Variants in PSMG1 observed in about 807,000 individuals in gnomAD.
PSMG1 encodes the protein Down syndrome critical region gene 2.
In PSMG1, 23 loss-of-function variants were observed where a neutral mutation model predicts 37.2. The observed-to-expected ratio is 0.62, with a 90% CI of 0.44 to 0.88. The LOEUF is 0.88. Ranked by LOEUF, PSMG1 falls within the 40% of genes least tolerant of loss-of-function variation. The pLI is 0.00. For synonymous variants in PSMG1, 127 were observed against 128.0 expected, an observed-to-expected ratio of 0.99 and a Z score of 0.05; for missense variants, 340 against 344.2, an observed-to-expected ratio of 0.99 and a Z score of 0.10.
Position 39,183,340 on chromosome 21 carries a change from C to G in PSMG1, c.46G>C (p.Ala16Pro). 2 of 1,574,166 alleles carry G rather than the reference C, an allele frequency of 1.3e-6. No homozygotes were observed. Among genetic ancestry groups the G allele is most frequent in the East Asian group, 4.7e-5 (2 of 42,322 alleles). The stretch of plus-strand genomic sequence containing the variant: ...TCCTCCTCTTCGTCCTCAGTCCCAG[C>G]TCGGCACGGCGCCTTCACCACCTCT... ...FGEVVKAPCR[A>P]GTEDEEEEEE... The change falls in exon 1 of 7, where the codon GCT (alanine) becomes CCT (proline). Residue 16 changes from alanine (A) to proline (P), a missense_variant. Ala to Pro is a conservative substitution (Grantham distance 27). Coordinates refer to ENST00000331573, the MANE Select transcript of PSMG1 (RefSeq NM_003720.4).
In PSMG1 at chr21:39,174,902, G is replaced by GCTAT. The variant is rs1347024444; in HGVS notation, c.*684_*687dup. On this transcript the variant is annotated 3_prime_UTR_variant, in exon 7 of 7. Transcript: ENST00000331573. The stretch of plus-strand genomic sequence containing the variant: ...GCCCTGGGAAAGTCTGGGTGAAGAG[G>GCTAT]CTATCTGTCAGATATTACTAAAAAG... 1 of 152,094 alleles carries GCTAT rather than the reference G, an allele frequency of 6.6e-6. No individual in the cohort carries two copies. Among genetic ancestry groups the GCTAT allele is most frequent in the Non-Finnish European group, 1.5e-5 (1 of 68,032 alleles). 9.4% of individuals were successfully genotyped at this position (152,094 alleles called of 1,614,324 possible). A position where few individuals can be genotyped will look rare whatever the true frequency, so the allele number is the denominator to read the frequency against.
At chr21:39,183,231 G>A (rs2030938092) in intron 1 of PSMG1, 21 bp downstream of exon 1, 4 of 1,565,668 alleles carry the variant, frequency 2.6e-6, no homozygotes, top group Non-Finnish European at 2.6e-6. Flanking sequence ...TGAGCGCGCT[G>A]CCCTTATCCC....
In PSMG1 at chr21:39,175,365, A is replaced by G; in HGVS notation, c.*225T>C. 1 of 323,236 alleles carries G rather than the reference A, an allele frequency of 3.1e-6. No individual in the cohort carries two copies. The highest frequency in any genetic ancestry group is 5.2e-6 in the Non-Finnish European group (1 of 193,464). 20.0% of individuals were successfully genotyped at this position (323,236 alleles called of 1,614,324 possible). ...CTATAGTACCTTAAAATATTCAAAT[A>G]CAACAATACTCCCACCTAGTGGATA... On this transcript the variant is annotated 3_prime_UTR_variant, in exon 7 of 7. Transcript: ENST00000331573.
At chr21:39,179,072 G>A (rs1368330695) in intron 4 of PSMG1, among the ~76,000 whole-genome samples, 5 of 151,998 alleles carry the variant, frequency 3.3e-5, no homozygotes, top group Non-Finnish European at 7.4e-5. Flanking sequence ...TTCAAAAGAG[G>A]CTGGCTCCTC....
chr21:39,183,289 CG>C lies in PSMG1; in HGVS notation c.96del (p.Glu33ArgfsTer31). ...AGCTGCAGACGCACCTCCCTGTCCT[CG>C]GGCGTCTCCCTCCGCCCCTCCTCCT... Reference protein sequence around the residue: ...EEEEEGRRETPEDREVRLQLA... With the variant: ...EEEEEGRRETXEDREVRLQLA... On this transcript the variant is annotated frameshift_variant, in exon 1 of 7. Transcript: ENST00000331573. LOFTEE classifies it high-confidence loss of function. The C allele has an allele frequency of 1.3e-6, 2 of 1,588,488 alleles. No individual in the cohort carries two copies. Among genetic ancestry groups the C allele is most frequent in the African/African-American group, 1.4e-5 (1 of 73,014 alleles).
chr21:39,180,571 A>G (rs1438051356), intron 2 of PSMG1, 135 bp from the exon 3 acceptor site: 1 of 809,346 alleles, frequency 1.2e-6, no homozygotes, highest in Non-Finnish European at 1.8e-6. Flanking sequence ...TAATACCACC[A>G]TTATACAGAA....
In PSMG1 at chr21:39,175,470, A is replaced by G. The variant is rs1252192897; in HGVS notation, c.*120T>C. The G allele has an allele frequency of 7.4e-7, 1 of 1,342,574 alleles. No individual in the cohort carries two copies. Among genetic ancestry groups the G allele is most frequent in the Non-Finnish European group, 9.6e-7 (1 of 1,037,512 alleles). The allele number at this position is 1,342,574 out of a possible 1,614,324, so 83.2% of individuals were successfully genotyped here. ...ATTAAAACTACAATTAATTTTTTAC[A>G]ATTTTATTCCGTTTCATCATTCTCA... On this transcript the variant is annotated 3_prime_UTR_variant, in exon 7 of 7. Transcript: ENST00000331573.
intron 5 of PSMG1, 28 bp from the exon 6 acceptor site, chr21:39,177,599 T>A (rs1401264706): frequency 2.0e-6 from 3 of 1,475,548 alleles, no homozygotes. Context: ...AAAAAAACGA[T>A]GTAAGTTTTC....
chr21:39,183,283 T>G lies in PSMG1; in HGVS notation c.103A>C (p.Arg35=). 2 of 1,589,772 alleles carry G rather than the reference T, an allele frequency of 1.3e-6. No individual in the cohort carries two copies. The change falls in exon 1 of 7, where the codon AGG becomes CGG. Residue 35 remains arginine, a synonymous_variant. Transcript: ENST00000331573. ...EEGRRETPED[R]EVRLQLARKR... Reference sequence around the variant, plus strand: ...CGCGCCAGCTGCAGACGCACCTCCCTGTCCTCGGGCGTCTCCCTCCGCCCC... The same window carrying G: ...CGCGCCAGCTGCAGACGCACCTCCCGGTCCTCGGGCGTCTCCCTCCGCCCC...
At chr21:39,180,089 AT>A in intron 3 of PSMG1, 103 bp from the exon 4 acceptor site, 1 of 1,314,874 alleles carries the variant, frequency 7.6e-7, no homozygotes, top group South Asian at 1.3e-5. Context: ...GGTAATACTT[AT>A]TTTCCTGGCT....
In PSMG1 at chr21:39,178,651, A is replaced by G. The variant is rs1173461336; in HGVS notation, c.457-4T>C. The G allele has an allele frequency of 1.9e-6, 3 of 1,607,348 alleles. No homozygotes were observed. The highest frequency in any genetic ancestry group is 1.1e-5 in the South Asian group (1 of 89,322). On this transcript the variant is annotated splice_region_variant and splice_polypyrimidine_tract_variant and intron_variant, in intron 4 of 6. Transcript: ENST00000331573. ...TCCTTGGACAAGAGCCAAAAACCTA[A>G]CATAAAATTTATTTCAAATTAAAAA...
chr21:39,182,398 C>G (rs1425128866), intron 1 of PSMG1, among the ~76,000 whole-genome samples: 3 of 152,194 alleles, frequency 2.0e-5, no homozygotes, highest in Non-Finnish European at 2.9e-5. Context: ...AGTGACACGT[C>G]TAAATGTAAC....
chr21:39,183,457 T>G (rs59618845), upstream of PSMG1: 6,609 of 1,478,966 alleles, frequency 4.5e-3, 260 homozygotes, highest in African/African-American at 0.086. Context: ...GAGACCACGC[T>G]CCCTCACCGC....
rs1397869608 is a variant in PSMG1, at chr21:39,183,356, C to A, written c.30G>T (p.Val10=). MAATFFGEV[V]KAPCRAGTED... ...CAGTCCCAGCTCGGCACGGCGCCTT[C>A]ACCACCTCTCCGAAGAACGTGGCCG... is the stretch of plus-strand genomic sequence containing the variant. Residue 10 remains valine (V), a synonymous_variant, in exon 1 of 7, where the codon GTG becomes GTT. Transcript: ENST00000331573. The A allele has an allele frequency of 7.0e-6, 11 of 1,575,252 alleles. No individual in the cohort carries two copies. In the Admixed American group the frequency reaches 2.0e-4, roughly 28 times the overall value.
Position 39,178,977 on chromosome 21 carries a change from T to C in PSMG1, c.457-330A>G, listed in dbSNP as rs889911886. On this transcript the variant is annotated intron_variant, in intron 4 of 6. Coordinates refer to ENST00000331573, the MANE Select transcript of PSMG1 (RefSeq NM_003720.4). ...GGTGGGAGGTGACTGGATATGGGGG[T>C]AGATCCCTCATGAATGGCCTAGCAC... 2.0e-4 allele frequency among the ~76,000 whole-genome samples: 31 copies of C among 152,140 alleles called. 1 individual carries two copies. Among genetic ancestry groups the C allele is most frequent in the Admixed American group, 1.9e-3 (29 of 15,278 alleles).
intron 1 of PSMG1, 56 bp downstream of exon 1, chr21:39,183,196 A>G: frequency 1.3e-5 from 19 of 1,479,738 alleles, no homozygotes; most frequent in Non-Finnish European, 1.6e-5. Flanking sequence ...CGCGGCTGCC[A>G]GGCCCGCGCA....
chr21:39,180,355 G>T lies in PSMG1; in HGVS notation c.323C>A (p.Thr108Lys). ...CAKLWNEWCR[T>K]TDTTHLSSTE... ...GGAGGACAGATGTGTAGTGTCTGTT[G>T]TTCTACACCATTCATTCCAGAGTTT... Residue 108 changes from threonine to lysine, a missense_variant, in exon 3 of 7, where the codon ACA becomes AAA. Thr to Lys is a moderately conservative substitution (Grantham distance 78). Coordinates refer to ENST00000331573, the MANE Select transcript of PSMG1 (RefSeq NM_003720.4). 6.2e-7 allele frequency: 1 copy of T among 1,612,758 alleles called. No homozygotes were observed. The highest frequency in any genetic ancestry group is 1.3e-5 in the African/African-American group (1 of 75,006).
At chr21:39,182,596 T>C (rs568760231) in intron 1 of PSMG1, among the ~76,000 whole-genome samples, 2 of 152,242 alleles carry the variant, frequency 1.3e-5, no homozygotes, top group South Asian at 4.1e-4. Flanking sequence ...CTGAAAAATG[T>C]AGAGGTGAAA....
chr21:39,176,806 A>G (rs535485702), intron 6 of PSMG1, among the ~76,000 whole-genome samples: 16 of 152,346 alleles, frequency 1.1e-4, no homozygotes, highest in African/African-American at 3.8e-4. Context: ...AACCGGGCTG[A>G]GGGACAATGT....
Sources: gnomAD v4.1 joint callset for allele counts (sites outside exome capture counted in the v4.1 genomes callset) on GRCh38, gnomAD v4.1.1 for gene constraint, MANE v1.5 for transcripts, NCBI Gene and HGNC (gene_info 2026-07-23, HGNC 2026-07-21) for gene names.